Variants in SOX5 observed in about 807,000 individuals in gnomAD.
SOX5 encodes transcription factor SOX-5.
In SOX5, 9 loss-of-function variants were observed where a neutral mutation model predicts 92.0. The ratio of observed to expected loss-of-function variants is 0.10; its 90% confidence interval spans 0.06 to 0.17. The LOEUF (loss-of-function observed/expected upper bound fraction) is 0.17, where lower values mean the gene tolerates loss of function less well. SOX5 is among the 10% of genes least tolerant of loss of function. The probability of loss-of-function intolerance (pLI) is 1.00; values close to 1 mark genes in which losing one functional copy is unlikely to be tolerated. For missense variants in SOX5, 642 were observed against 944.5 expected (o/e 0.68, Z 4.20); for synonymous variants, 344 against 336.3 (o/e 1.02, Z -0.25).
chr12:23,816,210 T>TC (rs1037691320), intron 3 of SOX5, among the ~76,000 whole-genome samples: 3 of 145,938 alleles, frequency 2.1e-5, no homozygotes, highest in South Asian at 2.2e-4. Flanking sequence ...AAGATTTCTT[T>TC]TTTTTTTTTT....
chr12:24,473,493 C>T (rs549368059), intron 1 of SOX5, among the ~76,000 whole-genome samples: 29 of 152,328 alleles, frequency 1.9e-4, no homozygotes, highest in African/African-American at 7.0e-4. Flanking sequence ...TTTAAGTTGA[C>T]TCTGGTGTTT....
In SOX5 at chr12:24,115,061, G is replaced by A. The variant is rs562293090; in HGVS notation, c.-2+98282C>T. Among the ~76,000 whole-genome samples, 20 of 152,220 alleles carry A rather than the reference G, an allele frequency of 1.3e-4. No homozygotes were observed. The South Asian group carries it at 2.3e-3, about 17-fold the overall frequency. On this transcript the variant is annotated intron_variant, in intron 4 of 4. Coordinates refer to the SOX5 transcript ENST00000446891. ...GATAGGCTTGAAGATTTAATTGAAC[G>A]AAGACGGAATGTATAAGAGAAGAGC...
chr12:24,526,341 A>AGAGAAGAACGTGGGTGGAGTCCTGTAT (rs1403603028), intron 1 of SOX5, among the ~76,000 whole-genome samples: 33 of 152,128 alleles, frequency 2.2e-4, no homozygotes, highest in Non-Finnish European at 1.8e-4. Context: ...GATGCAGCGG[A>AGAGAAGAACGTGGGTGGAGTCCTGTAT]GAGAAGAACG....
At chr12:23,941,085 A>T (rs1943546581) in intron 1 of SOX5, among the ~76,000 whole-genome samples, 2 of 151,400 alleles carry the variant, frequency 1.3e-5, no homozygotes, top group African/African-American at 4.8e-5. Context: ...TTTTTGAAAA[A>T]ACTGCAGCTT....
intron 1 of SOX5, among the ~76,000 whole-genome samples, chr12:24,451,073 C>T (rs923602583): frequency 6.6e-6 from 1 of 152,174 alleles, no homozygotes; most frequent in Non-Finnish European, 1.5e-5. Context: ...TGGCTTATTT[C>T]ACTTAACATA....
intron 1 of SOX5, among the ~76,000 whole-genome samples, chr12:24,476,583 C>T (rs1406181567): frequency 6.6e-6 from 1 of 152,150 alleles, no homozygotes; most frequent in African/African-American, 2.4e-5. Context: ...GTTGTTCAAG[C>T]AGGAGTTGGA....
At chr12:24,495,205 C>A (rs1446443153) in intron 1 of SOX5, among the ~76,000 whole-genome samples, 2 of 152,174 alleles carry the variant, frequency 1.3e-5, no homozygotes, top group Non-Finnish European at 2.9e-5. Context: ...AGTAATATAT[C>A]ATTCAACAAC....
At chr12:23,707,031 A>G (rs1232052892) in intron 6 of SOX5, among the ~76,000 whole-genome samples, 1 of 152,160 alleles carries the variant, frequency 6.6e-6, no homozygotes, top group Non-Finnish European at 1.5e-5. Context: ...ACAATTCTCT[A>G]TGATGTCCAA....
intron 3 of SOX5, among the ~76,000 whole-genome samples, chr12:24,221,759 C>G (rs1299768396): frequency 1.3e-5 from 2 of 152,140 alleles, no homozygotes; most frequent in Non-Finnish European, 2.9e-5. Context: ...GAGACAAAAA[C>G]AGTTTGTAGA....
At chr12:23,855,553 TTCTC>T (rs765534919) in intron 2 of SOX5, among the ~76,000 whole-genome samples, 1 of 152,144 alleles carries the variant, frequency 6.6e-6, no homozygotes, top group Admixed American at 6.5e-5. Flanking sequence ...GTTTCTATCT[TTCTC>T]TTTCTTTTTC....
At chr12:23,918,881 C>T (rs960529327) in intron 1 of SOX5, among the ~76,000 whole-genome samples, 4 of 150,748 alleles carry the variant, frequency 2.7e-5, no homozygotes, top group Admixed American at 2.6e-4. Flanking sequence ...CGTGCCACTG[C>T]ACTCCAGCCT....
At chr12:24,303,898 C>T (rs539797336) in intron 2 of SOX5, among the ~76,000 whole-genome samples, 1 of 152,248 alleles carries the variant, frequency 6.6e-6, no homozygotes, top group South Asian at 2.1e-4. Context: ...TGTCAATTAA[C>T]TTATTCTTTT....
At chr12:24,077,097 T>C (rs1245624888) in intron 4 of SOX5, among the ~76,000 whole-genome samples, 1 of 152,194 alleles carries the variant, frequency 6.6e-6, no homozygotes, top group Admixed American at 6.5e-5. Context: ...TAATTCACTT[T>C]TGCAGATTTA....
chr12:23,837,318 T>C (rs1208070030), intron 3 of SOX5, among the ~76,000 whole-genome samples: 1 of 97,372 alleles, frequency 1.0e-5, no homozygotes, highest in Non-Finnish European at 1.8e-5. Context: ...TATATTTATA[T>C]TTATATAATA....
chr12:23,854,121 T>A (rs891389506), intron 2 of SOX5, among the ~76,000 whole-genome samples: 1 of 152,120 alleles, frequency 6.6e-6, no homozygotes, highest in Non-Finnish European at 1.5e-5. Context: ...TCATCTGTAT[T>A]CTGTACCAAA....
intron 2 of SOX5, among the ~76,000 whole-genome samples, chr12:24,297,195 G>A (rs1223822504): frequency 6.6e-6 from 1 of 152,144 alleles, no homozygotes. Flanking sequence ...GTAATTCGGT[G>A]AAAATTTTGA....
intron 6 of SOX5, among the ~76,000 whole-genome samples, chr12:23,713,204 C>T (rs537238580): frequency 3.9e-4 from 59 of 152,064 alleles, no homozygotes; most frequent in African/African-American, 1.4e-3. Flanking sequence ...CCAAGCATCC[C>T]AAGGATGGCC....
At chr12:23,833,989 G>A (rs534476528) in intron 3 of SOX5, among the ~76,000 whole-genome samples, 1 of 151,958 alleles carries the variant, frequency 6.6e-6, no homozygotes, top group African/African-American at 2.4e-5. Flanking sequence ...CCCAAGTCAA[G>A]AACACTTTAT....
At chr12:24,177,947 A>G (rs1359456736) in intron 4 of SOX5, among the ~76,000 whole-genome samples, 1 of 152,204 alleles carries the variant, frequency 6.6e-6, no homozygotes, top group Non-Finnish European at 1.5e-5. Context: ...ACCAATCCTG[A>G]ATAGCTTTGC....
Sources: gnomAD v4.1 joint callset for allele counts (sites outside exome capture counted in the v4.1 genomes callset) on GRCh38, gnomAD v4.1.1 for gene constraint, MANE v1.5 for transcripts, NCBI Gene and HGNC (gene_info 2026-07-23, HGNC 2026-07-21) for gene names.